Variants in STK3 observed in about 807,000 individuals in gnomAD.
The protein encoded by STK3 is serine/threonine kinase 3.
A neutral mutation model predicts 58.0 loss-of-function variants in STK3; 41 were observed. That is an observed-to-expected ratio of 0.71 (90% CI 0.55 to 0.92). STK3 has a LOEUF of 0.92. Ranked by LOEUF, STK3 falls within the 40% of genes least tolerant of loss-of-function variation. The pLI, the probability that STK3 is intolerant of heterozygous loss-of-function variation, is 0.00. For missense variants in STK3, 479 were observed against 602.7 expected (o/e 0.79, Z 2.15); for synonymous variants, 170 against 191.0 (o/e 0.89, Z 0.91).
At chr8:98,712,500 C>G (rs1307566197) in intron 4 of STK3, among the ~76,000 whole-genome samples, 2 of 151,072 alleles carry the variant, frequency 1.3e-5, no homozygotes, top group Non-Finnish European at 3.0e-5. Flanking sequence ...TCTGATAAAA[C>G]AGACGTTAAA....
intron 4 of STK3, chr8:98,721,058 A>T: frequency 1.0e-6 from 1 of 979,456 alleles, no homozygotes; most frequent in Non-Finnish European, 1.2e-6. Flanking sequence ...TGAATTGTAG[A>T]AGTAAGCACA....
intron 3 of STK3, among the ~76,000 whole-genome samples, chr8:98,757,121 A>G (rs974494341): frequency 8.6e-5 from 13 of 152,028 alleles, no homozygotes; most frequent in Non-Finnish European, 1.6e-4. Context: ...ATAACAATAT[A>G]TCTTTTCCAT....
intron 6 of STK3, chr8:98,597,504 T>C: frequency 1.0e-6 from 1 of 985,404 alleles, no homozygotes. Context: ...CAAATATTTA[T>C]AAAGCATTTC....
Position 98,428,479 on chromosome 8 carries a change from G to A in STK3, n.483+5648C>T. The A allele has an allele frequency of 6.2e-7, 1 of 1,614,078 alleles. No individual in the cohort carries two copies. The highest frequency in any genetic ancestry group is 8.5e-7 in the Non-Finnish European group (1 of 1,180,030). ...TCCAAGTTCGATGGGCAGCCCCTCG[G>A]CAACTTCCGCAGGCAGCTGTGGCTG... On this transcript the variant is annotated intron_variant and non_coding_transcript_variant, in intron 3 of 3. Transcript: ENST00000517832. The surrounding 1 kb of genome is among the most constrained non-coding windows in gnomAD (Gnocchi z 6.7).
At chr8:98,684,818 T>C (rs1213491017) in intron 6 of STK3, among the ~76,000 whole-genome samples, 3 of 152,212 alleles carry the variant, frequency 2.0e-5, no homozygotes, top group Non-Finnish European at 4.4e-5. Flanking sequence ...AAATCATTAC[T>C]GGGTCATAAA....
intron 8 of STK3, 75 bp from the exon 9 acceptor site, chr8:98,548,236 A>C: frequency 8.5e-7 from 1 of 1,181,792 alleles, no homozygotes; most frequent in Non-Finnish European, 1.1e-6. Context: ...CAAGAGAATG[A>C]ATATATTATA....
Position 98,586,030 on chromosome 8 carries a change from T to C in STK3, c.823-6241A>G, listed in dbSNP as rs188807170. On this transcript the variant is annotated intron_variant, in intron 7 of 10. Transcript: ENST00000419617. Reference sequence around the variant, plus strand: ...ATGGGGTTTTCTAGATATACAATCATGTCATCAGCAGACAGGGACAATTTG... The same window carrying C: ...ATGGGGTTTTCTAGATATACAATCACGTCATCAGCAGACAGGGACAATTTG... Among the ~76,000 whole-genome samples, 3 of 152,324 alleles carry C rather than the reference T, an allele frequency of 2.0e-5. No individual in the cohort carries two copies. The East Asian group carries it at 5.8e-4, about 29-fold the overall frequency.
At chr8:98,642,229 G>A (rs1242919062) in intron 6 of STK3, among the ~76,000 whole-genome samples, 2 of 152,104 alleles carry the variant, frequency 1.3e-5, no homozygotes, top group African/African-American at 4.8e-5. Flanking sequence ...GAAGGGGAGC[G>A]GGGAGGGAGG....
At chr8:98,413,528 T>C (rs138618390) in intron 3 of STK3, 267 of 646,114 alleles carry the variant, frequency 4.1e-4, no homozygotes, top group Non-Finnish European at 7.4e-4. Flanking sequence ...TTAAAGGAGA[T>C]ACTTCAACTG....
intron 4 of STK3, among the ~76,000 whole-genome samples, chr8:98,736,050 A>G (rs1443870439): frequency 2.6e-5 from 4 of 152,190 alleles, no homozygotes; most frequent in Non-Finnish European, 5.9e-5. Context: ...AGGCACAAAA[A>G]GAACATGAAA....
intron 1 of STK3, among the ~76,000 whole-genome samples, chr8:98,932,738 G>A (rs965007021): frequency 3.2e-4 from 49 of 152,166 alleles, no homozygotes; most frequent in African/African-American, 1.2e-3. Context: ...CAATGCTCCT[G>A]GTCCTCCAGC....
intron 6 of STK3, among the ~76,000 whole-genome samples, chr8:98,636,692 G>A (rs1386926719): frequency 5.3e-5 from 8 of 152,146 alleles, no homozygotes; most frequent in East Asian, 3.9e-4. Context: ...ATTTCAGGAT[G>A]CCAAATAATT....
chr8:98,511,719 C>G (rs914113924), intron 10 of STK3, among the ~76,000 whole-genome samples: 1 of 152,090 alleles, frequency 6.6e-6, no homozygotes, highest in Non-Finnish European at 1.5e-5. Context: ...GAACACAGAA[C>G]CTGAAGAGAG....
chr8:98,817,064 TAGC>T (rs1044120656), intron 1 of STK3, among the ~76,000 whole-genome samples: 7 of 152,214 alleles, frequency 4.6e-5, no homozygotes, highest in African/African-American at 1.4e-4. Context: ...TTTTTTAAAA[TAGC>T]AGGTTACCAG....
chr8:98,498,775 TG>T (rs1299887906), intron 10 of STK3, among the ~76,000 whole-genome samples: 1 of 152,182 alleles, frequency 6.6e-6, no homozygotes, highest in African/African-American at 2.4e-5. Flanking sequence ...CCTACTTCGC[TG>T]ATTTGTTCCT....
At chr8:98,862,051 C>G (rs1836956884) in intron 3 of STK3, among the ~76,000 whole-genome samples, 2 of 152,150 alleles carry the variant, frequency 1.3e-5, no homozygotes. Flanking sequence ...CCAATTCACC[C>G]AAATCCTTGA....
At chr8:98,889,040 A>G (rs1158466320) in intron 1 of STK3, among the ~76,000 whole-genome samples, 1 of 152,180 alleles carries the variant, frequency 6.6e-6, no homozygotes, top group Admixed American at 6.5e-5. Flanking sequence ...CACAGGAGAG[A>G]GGCCAGCCCA....
At chr8:98,478,344 G>C (rs1251940176) in intron 10 of STK3, among the ~76,000 whole-genome samples, 2 of 152,150 alleles carry the variant, frequency 1.3e-5, no homozygotes, top group Non-Finnish European at 2.9e-5. Context: ...TGGAAGAAGG[G>C]GAGTTGGGAG....
At chr8:98,730,401 CAAACT>C (rs758504446) in intron 4 of STK3, among the ~76,000 whole-genome samples, 5 of 152,094 alleles carry the variant, frequency 3.3e-5, no homozygotes, top group Non-Finnish European at 5.9e-5. Context: ...TCTTATATAT[CAAACT>C]GAATGTTTAT....
Sources: gnomAD v4.1 joint callset for allele counts (sites outside exome capture counted in the v4.1 genomes callset) on GRCh38, gnomAD v4.1.1 for gene constraint, Gnocchi (gnomAD v3.1) non-coding constraint, MANE v1.5 for transcripts, NCBI Gene and HGNC (gene_info 2026-07-23, HGNC 2026-07-21) for gene names.